KCNIP3: variants seen among roughly 807,000 people sequenced by gnomAD.
KCNIP3 encodes the protein potassium voltage-gated channel interacting protein 3, also known as calsenilin.
Under a neutral mutation model 35.0 loss-of-function variants are expected in KCNIP3, and 28 were observed. The observed-to-expected ratio is 0.80, with a 90% CI of 0.59 to 1.10. The LOEUF (loss-of-function observed/expected upper bound fraction) is 1.10, where lower values mean the gene tolerates loss of function less well. Among genes scored for constraint, KCNIP3 ranks in the 50% least tolerant of loss-of-function variants. The pLI, the probability that KCNIP3 is intolerant of heterozygous loss-of-function variation, is 0.00. For missense variants in KCNIP3, 295 were observed against 338.4 expected, an observed-to-expected ratio of 0.87 and a Z score of 1.01; for synonymous variants, 134 against 133.8, an observed-to-expected ratio of 1.00 and a Z score of -0.01.
chr2:95,331,508 G>A (rs763588052), intron 2 of KCNIP3, among the ~76,000 whole-genome samples: 18 of 152,134 alleles, frequency 1.2e-4, no homozygotes, highest in Non-Finnish European at 2.4e-4. Context: ...GCACATAGAC[G>A]GATTTGAAGC....
chr2:95,357,363 T>A (rs1251447817), intron 2 of KCNIP3, among the ~76,000 whole-genome samples: 1 of 152,176 alleles, frequency 6.6e-6, no homozygotes, highest in Non-Finnish European at 1.5e-5. Flanking sequence ...ATCCCCGGCC[T>A]GGGACAGGGG....
chr2:95,317,997 A>C (rs1369811804), intron 2 of KCNIP3, among the ~76,000 whole-genome samples: 3 of 149,096 alleles, frequency 2.0e-5, no homozygotes, highest in African/African-American at 4.9e-5. Flanking sequence ...ATGGGGCTAC[A>C]GAAGGGACAG....
intron 2 of KCNIP3, among the ~76,000 whole-genome samples, chr2:95,347,545 C>T (rs1288239598): frequency 6.6e-6 from 1 of 152,216 alleles, no homozygotes; most frequent in Non-Finnish European, 1.5e-5. Context: ...TGGGGCCTCC[C>T]CTTTCGCCCC....
At position 95,384,105 on chromosome 2, in the gene KCNIP3, T is replaced by C; in HGVS notation, c.*56T>C. Reference sequence around the variant, plus strand: ...CACCTCCACCCCCAAGAAACCTCCATCCTGCCAGGAGCAGCCTCCAAGAAA... The same window carrying C: ...CACCTCCACCCCCAAGAAACCTCCACCCTGCCAGGAGCAGCCTCCAAGAAA... On this transcript the variant is annotated 3_prime_UTR_variant, in exon 9 of 9. Coordinates refer to ENST00000295225, the MANE Select transcript of KCNIP3 (RefSeq NM_013434.5). The C allele has an allele frequency of 6.5e-7, 1 of 1,537,678 alleles. No individual in the cohort carries two copies. Among genetic ancestry groups the C allele is most frequent in the Non-Finnish European group, 9.0e-7 (1 of 1,111,694 alleles).
At chr2:95,310,283 G>A in intron 1 of KCNIP3, 72 bp from the exon 2 acceptor site, 4 of 1,572,320 alleles carry the variant, frequency 2.5e-6, no homozygotes, top group Admixed American at 1.7e-5. Context: ...GGATATCAGG[G>A]CAGCTCGGGA....
At chr2:95,360,030 G>C (rs1020426414) in intron 2 of KCNIP3, among the ~76,000 whole-genome samples, 1 of 152,212 alleles carries the variant, frequency 6.6e-6, no homozygotes, top group Non-Finnish European at 1.5e-5. Context: ...CTGTCTTTAA[G>C]TCATTTCTTT....
intron 2 of KCNIP3, among the ~76,000 whole-genome samples, chr2:95,354,154 C>G (rs971698964): frequency 6.6e-6 from 1 of 152,170 alleles, no homozygotes; most frequent in African/African-American, 2.4e-5. Context: ...GGAACTCTCC[C>G]GGACCTTGCC....
intron 2 of KCNIP3, among the ~76,000 whole-genome samples, chr2:95,318,664 C>T (rs1311236288): frequency 4.6e-5 from 7 of 152,130 alleles, no homozygotes; most frequent in Admixed American, 2.0e-4. Flanking sequence ...CACGGGGCTA[C>T]GAAGCAGGCA....
chr2:95,354,351 A>G (rs1367642068), intron 2 of KCNIP3, among the ~76,000 whole-genome samples: 1 of 152,250 alleles, frequency 6.6e-6, no homozygotes, highest in Non-Finnish European at 1.5e-5. Flanking sequence ...ATATGCCACC[A>G]TAGCACGCAC....
chr2:95,329,931 GCCCCCGCTCTGGT>G (rs1558765371), intron 2 of KCNIP3, among the ~76,000 whole-genome samples: 2 of 152,162 alleles, frequency 1.3e-5, no homozygotes, highest in African/African-American at 4.8e-5. Context: ...CAGGGCCTTC[GCCCCCGCTCTGGT>G]CCCCCTCTCG....
At chr2:95,318,290 C>T (rs1475566909) in intron 2 of KCNIP3, among the ~76,000 whole-genome samples, 1 of 152,176 alleles carries the variant, frequency 6.6e-6, no homozygotes, top group Non-Finnish European at 1.5e-5. Flanking sequence ...GCCAGTCCTC[C>T]TCCTGTGCAC....
At chr2:95,373,294 T>TG (rs1342211797) in intron 2 of KCNIP3, among the ~76,000 whole-genome samples, 1 of 152,120 alleles carries the variant, frequency 6.6e-6, no homozygotes, top group Admixed American at 6.6e-5. Flanking sequence ...GTAAAAGTGA[T>TG]GCATGTCACA....
chr2:95,329,272 A>G (rs1340464617), intron 2 of KCNIP3, among the ~76,000 whole-genome samples: 2 of 152,186 alleles, frequency 1.3e-5, no homozygotes, highest in Non-Finnish European at 2.9e-5. Context: ...TAGCACTCCT[A>G]TGGAGAACAT....
In KCNIP3 at chr2:95,382,310, C is replaced by A; in HGVS notation, c.556-67C>A. On this transcript the variant is annotated intron_variant, in intron 6 of 8. Coordinates refer to ENST00000295225, the MANE Select transcript of KCNIP3 (RefSeq NM_013434.5). The surrounding 1 kb of genome is among the most constrained non-coding windows in gnomAD (Gnocchi z 4.5). Reference sequence around the variant, plus strand: ...GGTGCCCTGCACCCTTGGATGCCGCCCGCTCCCTTTGGGCCCTCACAGCCA... The same window carrying A: ...GGTGCCCTGCACCCTTGGATGCCGCACGCTCCCTTTGGGCCCTCACAGCCA... 1 of 1,063,516 alleles carries A rather than the reference C, an allele frequency of 9.4e-7. No homozygotes were observed. The highest frequency in any genetic ancestry group is 1.3e-6 in the Non-Finnish European group (1 of 741,354). The allele number at this position is 1,063,516 out of a possible 1,614,324, so 65.9% of individuals were successfully genotyped here.
chr2:95,346,195 C>A (rs1447710702), intron 2 of KCNIP3, among the ~76,000 whole-genome samples: 5 of 152,158 alleles, frequency 3.3e-5, no homozygotes, highest in Non-Finnish European at 7.4e-5. Flanking sequence ...GCGGGAAATG[C>A]GCCGGGGAGT....
At chr2:95,344,490 T>C (rs1327358647) in intron 2 of KCNIP3, among the ~76,000 whole-genome samples, 1 of 152,242 alleles carries the variant, frequency 6.6e-6, no homozygotes, top group Non-Finnish European at 1.5e-5. Flanking sequence ...TAGGCGTTGT[T>C]AATATTTTAC....
chr2:95,312,917 G>C (rs564964790), intron 2 of KCNIP3: 1 of 152,364 alleles, frequency 6.6e-6, no homozygotes, highest in Non-Finnish European at 1.5e-5. Flanking sequence ...AACACGTCCC[G>C]TGTGTGTCCC....
At chr2:95,383,387 C>T (rs1471614454) in intron 8 of KCNIP3, 93 bp downstream of exon 8, 2 of 1,242,542 alleles carry the variant, frequency 1.6e-6, no homozygotes, top group African/African-American at 3.0e-5. Context: ...CACCCCAGTC[C>T]CACCCCTGCC....
At chr2:95,310,660 C>T (rs1414395402) in intron 2 of KCNIP3, 140 bp downstream of exon 2, 1 of 867,046 alleles carries the variant, frequency 1.2e-6, no homozygotes, top group Non-Finnish European at 1.9e-6. Context: ...GGTGTGTTTT[C>T]ATTCATTCAC....
Sources: gnomAD v4.1 joint callset for allele counts (sites outside exome capture counted in the v4.1 genomes callset) on GRCh38, gnomAD v4.1.1 for gene constraint, Gnocchi (gnomAD v3.1) non-coding constraint, MANE v1.5 for transcripts, NCBI Gene and HGNC (gene_info 2026-07-23, HGNC 2026-07-21) for gene names.